The following DGCR2 variants were observed in gnomAD, a reference collection of about 807,000 sequenced individuals.
DGCR2 encodes DiGeorge syndrome critical region gene 2, also known as integral membrane protein DGCR2/IDD.
DGCR2 carries 24 observed loss-of-function variants against 51.6 expected under a neutral mutation model. The observed-to-expected ratio is 0.47, with a 90% CI of 0.34 to 0.65. DGCR2 has a LOEUF of 0.65. DGCR2 is among the 30% of genes least tolerant of loss of function. DGCR2 has a pLI of 0.01. For synonymous variants in DGCR2, 340 were observed against 315.4 expected, an observed-to-expected ratio of 1.08 and a Z score of -0.82; for missense variants, 765 against 772.1, an observed-to-expected ratio of 0.99 and a Z score of 0.11.
At chr22:19,095,697 T>C (rs2083132247) in intron 1 of DGCR2, among the ~76,000 whole-genome samples, 1 of 151,390 alleles carries the variant, frequency 6.6e-6, no homozygotes, top group African/African-American at 2.4e-5. Context: ...TTTTACACTT[T>C]ATGTATCATT....
At chr22:19,121,947 G>T in intron 1 of DGCR2, 181 bp downstream of exon 1, 1 of 300,896 alleles carries the variant, frequency 3.3e-6, no homozygotes, top group Non-Finnish European at 5.9e-6. Flanking sequence ...GGCGCCGCGA[G>T]CCCAGGTAAG....
Position 19,041,839 on chromosome 22 carries a change from C to T in DGCR2, c.1127G>A (p.Arg376Gln), listed in dbSNP as rs750085983. The T allele has an allele frequency of 1.2e-5, 19 of 1,612,724 alleles. No homozygotes were observed. The highest frequency in any genetic ancestry group is 4.0e-5 in the African/African-American group (3 of 74,890). Residue 376 changes from arginine (R) to glutamine (Q), a missense_variant, in exon 8 of 10, where the codon CGG (arginine) becomes CAG (glutamine). Physicochemically the swap from Arg to Gln is conservative, Grantham distance 43 (BLOSUM62 1). Around this residue, in one of 3 missense-constraint regions of DGCR2, gnomAD observed 190 missense variants for 265.2 expected, o/e 0.72. Transcript: ENST00000263196. Reference protein sequence around the residue: ...FMVHRLRQRRRERIESLIGAN... With the variant: ...FMVHRLRQRRQERIESLIGAN... ...TCCAATCAGGGACTCGATGCGCTCC[C>T]GGCGCCGCTGGCGCAGCCGGTGGAC...
chr22:19,096,563 C>G (rs2083141923), intron 1 of DGCR2, among the ~76,000 whole-genome samples: 1 of 147,920 alleles, frequency 6.8e-6, no homozygotes. Context: ...ATCATATATA[C>G]CCCACACATG....
intron 2 of DGCR2, among the ~76,000 whole-genome samples, chr22:19,070,924 G>C (rs956995189): frequency 1.3e-5 from 2 of 152,270 alleles, no homozygotes; most frequent in Non-Finnish European, 2.9e-5. Context: ...ATGTCAGACA[G>C]TGTCCTGGGG....
intron 2 of DGCR2, among the ~76,000 whole-genome samples, chr22:19,084,868 A>C (rs1383079258): frequency 6.8e-6 from 1 of 146,364 alleles, no homozygotes; most frequent in Non-Finnish European, 1.5e-5. Flanking sequence ...GCCTCTGCCC[A>C]GCCGCCCCTT....
chr22:19,047,493 T>C (rs968625976), intron 7 of DGCR2: 1 of 152,220 alleles, frequency 6.6e-6, no homozygotes, highest in African/African-American at 2.4e-5. Context: ...GTCCCCATCA[T>C]TTCATTCCTA....
chr22:19,074,844 A>G (rs2082857202), intron 2 of DGCR2, among the ~76,000 whole-genome samples: 1 of 152,082 alleles, frequency 6.6e-6, no homozygotes. Context: ...TGAGGCATCT[A>G]CTGCTCTGAT....
At chr22:19,050,496 G>C (rs2082537513) in intron 6 of DGCR2, among the ~76,000 whole-genome samples, 1 of 152,222 alleles carries the variant, frequency 6.6e-6, no homozygotes, top group Admixed American at 6.5e-5. Context: ...GCAATCCCCA[G>C]ATAGTAATTT....
At chr22:19,048,675 T>C in intron 6 of DGCR2, 32 bp from the exon 7 acceptor site, 8 of 1,602,038 alleles carry the variant, frequency 5.0e-6, no homozygotes, top group Non-Finnish European at 6.8e-6. Context: ...TACAGATGTA[T>C]ACAATGCCAA....
At chr22:19,103,416 C>CTTTTTTTTTT (rs55877455) in intron 1 of DGCR2, among the ~76,000 whole-genome samples, 8 of 67,732 alleles carry the variant, frequency 1.2e-4, no homozygotes, top group Non-Finnish European at 1.5e-4. Context: ...AAAAAAAGTT[C>CTTTTTTTTTT]TTTTTTTTTT....
intron 1 of DGCR2, among the ~76,000 whole-genome samples, chr22:19,106,375 T>TG (rs2083261427): frequency 1.3e-5 from 2 of 152,230 alleles, no homozygotes; most frequent in Middle Eastern, 3.4e-3. Context: ...GCAGGAACCA[T>TG]GGCCAGGGGT....
chr22:19,036,399 A>G lies in DGCR2; in HGVS notation c.*2466T>C, dbSNP rs1314813935. The G allele has an allele frequency of 1.3e-5, 2 of 152,530 alleles. No homozygotes were observed. Among genetic ancestry groups the G allele is most frequent in the South Asian group, 2.1e-4 (1 of 4,830 alleles). The allele number at this position is 152,530 out of a possible 1,614,324, so 9.4% of individuals were successfully genotyped here. A position where few individuals can be genotyped will look rare whatever the true frequency, so the allele number is the denominator to read the frequency against. On this transcript the variant is annotated 3_prime_UTR_variant, in exon 10 of 10. Coordinates refer to ENST00000263196, the MANE Select transcript of DGCR2 (RefSeq NM_005137.3). ...AAACCCTTAATGAAAACATAAAAAA[A>G]CAGGCATCAAGACAATGTACAGTAT...
At chr22:19,070,938 A>G (rs1324662079) in intron 2 of DGCR2, among the ~76,000 whole-genome samples, 1 of 152,186 alleles carries the variant, frequency 6.6e-6, no homozygotes, top group Admixed American at 6.5e-5. Context: ...CCTGGGGGAG[A>G]GTCTGGGGGC....
intron 2 of DGCR2, among the ~76,000 whole-genome samples, chr22:19,078,212 C>G (rs1263726246): frequency 6.6e-6 from 1 of 152,290 alleles, no homozygotes; most frequent in East Asian, 1.9e-4. Context: ...TTAGTACAGA[C>G]AGACCCCCAA....
At chr22:19,099,923 T>C (rs1569082206) in intron 1 of DGCR2, among the ~76,000 whole-genome samples, 1 of 151,124 alleles carries the variant, frequency 6.6e-6, no homozygotes. Flanking sequence ...TGAGCCGAGA[T>C]TGTACCACTG....
chr22:19,065,109 G>C (rs200068704), intron 3 of DGCR2, 42 bp from the exon 4 acceptor site: 31 of 1,564,330 alleles, frequency 2.0e-5, no homozygotes, highest in Non-Finnish European at 2.4e-5. Flanking sequence ...TTAGGATCCA[G>C]CTCCAAAATG....
chr22:19,055,957 T>C (rs557556958), intron 6 of DGCR2: 30 of 157,338 alleles, frequency 1.9e-4, no homozygotes, highest in African/African-American at 7.0e-4. Context: ...ACCCGGCAGC[T>C]GATGGCAAAG....
intron 5 of DGCR2, among the ~76,000 whole-genome samples, chr22:19,062,767 A>ACACG (rs2082684006): frequency 2.4e-5 from 3 of 125,194 alleles, no homozygotes; most frequent in Admixed American, 8.2e-5. Context: ...GCACACACAC[A>ACACG]CATGCATGCT....
intron 2 of DGCR2, among the ~76,000 whole-genome samples, chr22:19,069,837 T>C (rs1032772346): frequency 5.3e-5 from 8 of 152,200 alleles, no homozygotes; most frequent in Admixed American, 1.3e-4. Flanking sequence ...ATAGCTCCTG[T>C]CAGGCATGTG....
Sources: gnomAD v4.1 joint callset for allele counts (sites outside exome capture counted in the v4.1 genomes callset) on GRCh38, gnomAD v4.1.1 for gene constraint, gnomAD v4.1.1 regional missense constraint, MANE v1.5 for transcripts, NCBI Gene and HGNC (gene_info 2026-07-23, HGNC 2026-07-21) for gene names.